The following UGT2B17 variants were observed in gnomAD, a reference collection of about 807,000 sequenced individuals.
UGT2B17 encodes UDP-glucuronosyltransferase 2B17.
UGT2B17 carries 21 observed loss-of-function variants against 48.2 expected under a neutral mutation model. That is an observed-to-expected ratio of 0.44 (90% CI 0.31 to 0.63). The LOEUF is 0.63. Among genes scored for constraint, UGT2B17 ranks in the 20% least tolerant of loss-of-function variants. UGT2B17 has a pLI of 0.08. For synonymous variants in UGT2B17, 146 were observed against 238.4 expected, an observed-to-expected ratio of 0.61 and a Z score of 3.57; for missense variants, 402 against 696.1, an observed-to-expected ratio of 0.58 and a Z score of 4.75.
intron 2 of UGT2B17, among the ~76,000 whole-genome samples, chr4:68,567,372 TC>T (rs1731218843): frequency 7.9e-6 from 1 of 126,976 alleles, no homozygotes; most frequent in South Asian, 3.4e-4. Context: ...AGTTCCTCAA[TC>T]CTGCATTGAT....
At chr4:68,543,842 A>G (rs1336653520) in intron 6 of UGT2B17, among the ~76,000 whole-genome samples, 1 of 125,676 alleles carries the variant, frequency 8.0e-6, no homozygotes, top group Admixed American at 8.3e-5. Flanking sequence ...GTGATGGAAG[A>G]TGAAATGAAT....
chr4:68,560,691 A>G lies in UGT2B17; in HGVS notation c.874-23T>C. 1.8e-6 allele frequency: 2 copies of G among 1,130,960 alleles called. 1 individual carries two copies. Among genetic ancestry groups the G allele is most frequent in the Non-Finnish European group, 2.3e-6 (2 of 875,274 alleles). The allele number at this position is 1,130,960 out of a possible 1,614,324, so 70.1% of individuals were successfully genotyped here. ...TTCCTGTGAAGAAAGAATTTGTTCT[A>G]TCAGAAAAGAGCAACAGCACAGAAA... On this transcript the variant is annotated intron_variant, in intron 3 of 6. Coordinates refer to ENST00000317746, the MANE Select transcript of UGT2B17 (RefSeq NM_001077.4).
Position 68,568,409 on chromosome 4 carries a change from C to T in UGT2B17, c.76G>A (p.Val26Met). The stretch of plus-strand genomic sequence containing the variant: ...CTGTATTCTGTGGGCCACACCAGCA[C>T]CTTTCCACAACTCCCAGAGCTAAAG... ...CYFSSGSCGK[V>M]LVWPTEYSHW... The change falls in exon 2 of 7, where the codon GTG (valine) becomes ATG (methionine). Residue 26 changes from valine to methionine, a missense_variant. Val to Met is a conservative substitution (Grantham distance 21). This residue lies in a region of UGT2B17 where 51 missense variants were observed against 108.7 expected (regional missense o/e 0.47). Transcript: ENST00000317746. 3 of 1,371,620 alleles carry T rather than the reference C, an allele frequency of 2.2e-6. 1 individual carries two copies. The highest frequency in any genetic ancestry group is 2.8e-6 in the Non-Finnish European group (3 of 1,053,402). The allele number at this position is 1,371,620 out of a possible 1,614,324, so 85.0% of individuals were successfully genotyped here. A position where few individuals can be genotyped will look rare whatever the true frequency, so the allele number is the denominator to read the frequency against.
At chr4:68,543,440 G>A (rs13119982) in intron 6 of UGT2B17, among the ~76,000 whole-genome samples, 40,309 of 122,888 alleles carry the variant, frequency 0.33, 12,938 homozygotes, top group Admixed American at 0.42. Flanking sequence ...TTTCTACATC[G>A]CCATCATCAA....
chr4:68,568,942 A>G (rs1271012106), intron 1 of UGT2B17, among the ~76,000 whole-genome samples: 1 of 139,938 alleles, frequency 7.1e-6, no homozygotes, highest in Non-Finnish European at 1.6e-5. Context: ...TCACTACAAT[A>G]ATCAGTATTA....
chr4:68,547,759 G>A (rs1730843434), intron 6 of UGT2B17, among the ~76,000 whole-genome samples: 1 of 126,132 alleles, frequency 7.9e-6, no homozygotes, highest in African/African-American at 2.7e-5. Context: ...TCAGCTTGTG[G>A]GTGAAGGAAA....
At chr4:68,539,506 ACTTATTCAT>A (rs1730615387) in intron 6 of UGT2B17, among the ~76,000 whole-genome samples, 1 of 124,270 alleles carries the variant, frequency 8.0e-6, no homozygotes, top group Admixed American at 8.4e-5. Context: ...AGATTTACAT[ACTTATTCAT>A]TTTTGTTGGA....
Position 68,553,217 on chromosome 4 carries a change from G to A in UGT2B17, c.1006-1306C>T, listed in dbSNP as rs1216644921. On this transcript the variant is annotated intron_variant, in intron 4 of 6. Transcript: ENST00000317746. Reference sequence around the variant, plus strand: ...TATCTGAGTGAGAATTCCAAATTGTGGGTAACAAAGCCTGTCTAATTTGGT... The same window carrying A: ...TATCTGAGTGAGAATTCCAAATTGTAGGTAACAAAGCCTGTCTAATTTGGT... 4.0e-5 allele frequency among the ~76,000 whole-genome samples: 5 copies of A among 125,364 alleles called. 1 individual carries two copies. The highest frequency in any genetic ancestry group is 3.4e-5 in the Non-Finnish European group (2 of 59,258). The allele number at this position is 125,364 out of a possible 152,430, so 82.2% of individuals were successfully genotyped here.
chr4:68,541,688 CT>C (rs1730660040), intron 6 of UGT2B17, among the ~76,000 whole-genome samples: 1 of 126,210 alleles, frequency 7.9e-6, no homozygotes, highest in African/African-American at 2.7e-5. Flanking sequence ...ATTGTAATTG[CT>C]TTTGGTGTTT....
chr4:68,538,441 G>T lies in UGT2B17; in HGVS notation c.1314-537C>A, dbSNP rs1387853851. 1.6e-5 allele frequency among the ~76,000 whole-genome samples: 2 copies of T among 124,228 alleles called. 1 individual carries two copies. Among genetic ancestry groups the T allele is most frequent in the Admixed American group, 1.7e-4 (2 of 11,966 alleles). 81.5% of individuals were successfully genotyped at this position (124,228 alleles called of 152,430 possible). On this transcript the variant is annotated intron_variant, in intron 6 of 6. Coordinates refer to ENST00000317746, the MANE Select transcript of UGT2B17 (RefSeq NM_001077.4). Reference sequence around the variant, plus strand: ...ACATTTTTAGATATGAGGTCTTGCTGTAGTGCCCATACTCATCTGGAACTC... The same window carrying T: ...ACATTTTTAGATATGAGGTCTTGCTTTAGTGCCCATACTCATCTGGAACTC...
In UGT2B17 at chr4:68,569,984, C is replaced by T. The variant is rs1004448427; in HGVS notation, c.-64-1436G>A. ...CCTGGGTGGGGCTCAGGTCTGTGTCCCTTGTGGACCTACCCCTCCACCCCA... is the reference window on the plus strand; with the variant it reads ...CCTGGGTGGGGCTCAGGTCTGTGTCTCTTGTGGACCTACCCCTCCACCCCA... On this transcript the variant is annotated intron_variant, in intron 1 of 6. Transcript: ENST00000317746. 1.6e-4 allele frequency among the ~76,000 whole-genome samples: 20 copies of T among 125,832 alleles called. 7 individuals are homozygous for T. The highest frequency in any genetic ancestry group is 1.1e-3 in the South Asian group (3 of 2,788). 82.6% of individuals were successfully genotyped at this position (125,832 alleles called of 152,430 possible).
rs182772239 is a variant in UGT2B17, at chr4:68,541,583, A to T, written c.1314-3679T>A. 1.7e-4 allele frequency among the ~76,000 whole-genome samples: 22 copies of T among 126,376 alleles called. 10 individuals carry two copies. In the East Asian group the frequency reaches 0.015, roughly 87 times the overall value. 82.9% of individuals were successfully genotyped at this position (126,376 alleles called of 152,430 possible). Reference sequence around the variant, plus strand: ...GGATAGATTGCAAAAATGTTCCCTCATTCTGTAGGTTGCCTGTGCCCTCTG... The same window carrying T: ...GGATAGATTGCAAAAATGTTCCCTCTTTCTGTAGGTTGCCTGTGCCCTCTG... On this transcript the variant is annotated intron_variant, in intron 6 of 6. Transcript: ENST00000317746.
intron 4 of UGT2B17, among the ~76,000 whole-genome samples, chr4:68,557,626 G>T (rs1005226244): frequency 8.0e-6 from 1 of 125,448 alleles, no homozygotes; most frequent in Non-Finnish European, 1.7e-5. Context: ...GAACATATTT[G>T]TTTCCCTCTA....
At chr4:68,559,110 C>A (rs185211160) in intron 4 of UGT2B17, among the ~76,000 whole-genome samples, 1 of 124,792 alleles carries the variant, frequency 8.0e-6, no homozygotes, top group Non-Finnish European at 1.7e-5. Flanking sequence ...CTGTAACCTT[C>A]CAAATTTAAT....
At chr4:68,544,745 G>A (rs1412187466) in intron 6 of UGT2B17, among the ~76,000 whole-genome samples, 1 of 125,432 alleles carries the variant, frequency 8.0e-6, no homozygotes, top group East Asian at 7.7e-4. Flanking sequence ...AAGGGATGGA[G>A]GAAGATCTAC....
intron 2 of UGT2B17, among the ~76,000 whole-genome samples, chr4:68,567,076 G>C (rs1225697801): frequency 8.0e-6 from 1 of 125,618 alleles, no homozygotes; most frequent in Non-Finnish European, 1.7e-5. Flanking sequence ...TATTGACATA[G>C]AGATATGTGC....
Position 68,541,936 on chromosome 4 carries a change from C to T in UGT2B17, c.1314-4032G>A, listed in dbSNP as rs539645114. ...CATTGCTTGTTTTTGTCAGTTTTGT[C>T]GAAGATCAGATGGCTGTAGATGTGT... On this transcript the variant is annotated intron_variant, in intron 6 of 6. Transcript: ENST00000317746. 4.8e-5 allele frequency among the ~76,000 whole-genome samples: 6 copies of T among 126,036 alleles called. 2 individuals carry two copies. The highest frequency in any genetic ancestry group is 1.5e-3 in the East Asian group (2 of 1,346). The allele number at this position is 126,036 out of a possible 152,430, so 82.7% of individuals were successfully genotyped here. A position where few individuals can be genotyped will look rare whatever the true frequency, so the allele number is the denominator to read the frequency against.
At chr4:68,539,585 CTG>C (rs1730616817) in intron 6 of UGT2B17, among the ~76,000 whole-genome samples, 1 of 123,458 alleles carries the variant, frequency 8.1e-6, no homozygotes, top group African/African-American at 2.8e-5. Context: ...AATTTTTTGA[CTG>C]AATTTTTTAA....
In UGT2B17 at chr4:68,552,271, A is replaced by C. The variant is rs548986817; in HGVS notation, c.1006-360T>G. Among the ~76,000 whole-genome samples the C allele has an allele frequency of 3.8e-4, 48 of 126,248 alleles. 9 individuals are homozygous for C. The highest frequency in any genetic ancestry group is 6.6e-4 in the Non-Finnish European group (39 of 59,506). 82.8% of individuals were successfully genotyped at this position (126,248 alleles called of 152,430 possible). On this transcript the variant is annotated intron_variant, in intron 4 of 6. Transcript: ENST00000317746. ...TCTATTCAAAGTCAGCCCTTGGCTCACTGAGATAAATGCATATCTAATTGC... is the reference window on the plus strand; with the variant it reads ...TCTATTCAAAGTCAGCCCTTGGCTCCCTGAGATAAATGCATATCTAATTGC...
Sources: allele counts gnomAD v4.1 joint callset (sites outside exome capture counted in the v4.1 genomes callset), GRCh38; gene constraint gnomAD v4.1.1; regional missense constraint gnomAD v4.1.1; transcripts MANE v1.5; gene names NCBI Gene and HGNC (gene_info 2026-07-23, HGNC 2026-07-21).